The following CTNNA2 variants were observed in gnomAD, a reference collection of about 807,000 sequenced individuals.
The protein encoded by CTNNA2 is catenin alpha-2.
A neutral mutation model predicts 101.0 loss-of-function variants in CTNNA2; 42 were observed. The ratio of observed to expected loss-of-function variants is 0.42; its 90% CI spans 0.32 to 0.54. The LOEUF is 0.54. Among genes scored for constraint, CTNNA2 ranks in the 20% least tolerant of loss-of-function variants. The probability of loss-of-function intolerance (pLI) is 0.14; values close to 1 mark genes in which losing one functional copy is unlikely to be tolerated. For missense variants in CTNNA2, 871 were observed against 1,223.1 expected, an observed-to-expected ratio of 0.71 and a Z score of 4.29; for synonymous variants, 450 against 456.4, an observed-to-expected ratio of 0.99 and a Z score of 0.18.
chr2:79,423,490 C>T (rs191809091), intron 4 of CTNNA2, among the ~76,000 whole-genome samples: 1 of 152,224 alleles, frequency 6.6e-6, no homozygotes, highest in Admixed American at 6.5e-5. Context: ...TGTAGTAATA[C>T]ATACACAAAA....
At chr2:80,430,221 A>G (rs748055257) in intron 9 of CTNNA2, among the ~76,000 whole-genome samples, 3 of 152,192 alleles carry the variant, frequency 2.0e-5, no homozygotes, top group Non-Finnish European at 4.4e-5. Flanking sequence ...CTTACAAAGA[A>G]ATATCCAGAA....
At chr2:79,797,534 C>T (rs1675815387) in intron 3 of CTNNA2, among the ~76,000 whole-genome samples, 1 of 151,832 alleles carries the variant, frequency 6.6e-6, no homozygotes, top group South Asian at 2.1e-4. Flanking sequence ...GTGGTGCACA[C>T]CTGTTGTCCC....
chr2:79,214,915 G>A (rs569015074), intron 2 of CTNNA2, among the ~76,000 whole-genome samples: 2 of 152,128 alleles, frequency 1.3e-5, no homozygotes, highest in South Asian at 2.1e-4. Flanking sequence ...CAACAGTTCT[G>A]GAGGCAAGGG....
At chr2:79,784,284 G>A (rs962052583) in intron 3 of CTNNA2, among the ~76,000 whole-genome samples, 2 of 151,884 alleles carry the variant, frequency 1.3e-5, no homozygotes, top group Admixed American at 1.3e-4. Flanking sequence ...TCTAAGTTAA[G>A]CTTGATGTAT....
rs775865265 is a variant in CTNNA2, at chr2:80,492,878, C to T, written c.1291-52104C>T. ...TCTGTTTGAGTTATCCTTCATACCA[C>T]TCCCATAATTCCCTTGGCGGACTTC... On this transcript the variant is annotated intron_variant, in intron 9 of 18. Coordinates refer to ENST00000402739, the MANE Select transcript of CTNNA2 (RefSeq NM_001282597.3). Among the ~76,000 whole-genome samples, 4 of 152,244 alleles carry T rather than the reference C, an allele frequency of 2.6e-5. No homozygotes were observed. In the East Asian group the frequency reaches 5.8e-4, roughly 22 times the overall value.
At chr2:79,452,175 C>T (rs1265345161) in intron 4 of CTNNA2, among the ~76,000 whole-genome samples, 1 of 152,044 alleles carries the variant, frequency 6.6e-6, no homozygotes, top group Non-Finnish European at 1.5e-5. Flanking sequence ...TATCACTGCC[C>T]CAAAGAAGTG....
intron 2 of CTNNA2, among the ~76,000 whole-genome samples, chr2:79,249,140 A>G (rs1035637129): frequency 6.6e-6 from 1 of 152,056 alleles, no homozygotes; most frequent in Non-Finnish European, 1.5e-5. Context: ...GTAAAATGGC[A>G]ATAATAATAT....
At chr2:80,400,028 G>T (rs915928958) in intron 8 of CTNNA2, among the ~76,000 whole-genome samples, 1 of 152,158 alleles carries the variant, frequency 6.6e-6, no homozygotes, top group African/African-American at 2.4e-5. Context: ...AACTGTCACT[G>T]AAAACGAGAT....
At position 79,334,909 on chromosome 2, in the gene CTNNA2, C is replaced by T. The variant is rs528082027; in HGVS notation, c.-318+22113C>T. On this transcript the variant is annotated intron_variant, in intron 3 of 21. Coordinates refer to the CTNNA2 transcript ENST00000466387. Reference sequence around the variant, plus strand: ...TTGATTAAATAAAACTAAAAACACTCTCTAGACTTTGCCTGTTGGTTCAGG... The same window carrying T: ...TTGATTAAATAAAACTAAAAACACTTTCTAGACTTTGCCTGTTGGTTCAGG... Among the ~76,000 whole-genome samples, 5 of 152,272 alleles carry T rather than the reference C, an allele frequency of 3.3e-5. No homozygotes were observed. In the East Asian group the frequency reaches 9.7e-4, roughly 29 times the overall value.
chr2:80,545,110 G>A, intron 10 of CTNNA2, 36 bp downstream of exon 10: 1 of 1,601,314 alleles, frequency 6.2e-7, no homozygotes, highest in Non-Finnish European at 8.5e-7. Context: ...AAGCCTGTCA[G>A]TGACCTTCTC....
chr2:80,082,834 T>C (rs1699230403), intron 7 of CTNNA2, among the ~76,000 whole-genome samples: 1 of 152,172 alleles, frequency 6.6e-6, no homozygotes, highest in Admixed American at 6.5e-5. Context: ...AATTGGGTGT[T>C]GTAACCAGTA....
At chr2:79,934,762 G>A (rs945692491) in intron 7 of CTNNA2, among the ~76,000 whole-genome samples, 1 of 152,194 alleles carries the variant, frequency 6.6e-6, no homozygotes, top group African/African-American at 2.4e-5. Flanking sequence ...AAAGACATGG[G>A]ACCCTTTGGT....
intron 7 of CTNNA2, among the ~76,000 whole-genome samples, chr2:80,314,787 G>A (rs868289863): frequency 7.2e-5 from 11 of 152,218 alleles, no homozygotes; most frequent in East Asian, 1.9e-4. Context: ...ATTCCTTTGC[G>A]GATAGACCTT....
intron 7 of CTNNA2, among the ~76,000 whole-genome samples, chr2:80,094,413 A>G (rs981758195): frequency 6.6e-6 from 1 of 152,076 alleles, no homozygotes; most frequent in Admixed American, 6.5e-5. Context: ...CCGTGGCCTT[A>G]TAGTATAGTT....
At chr2:80,058,399 A>T (rs1199541920) in intron 7 of CTNNA2, among the ~76,000 whole-genome samples, 2 of 151,968 alleles carry the variant, frequency 1.3e-5, no homozygotes, top group African/African-American at 4.8e-5. Context: ...TAAGGACAGG[A>T]CTCCTCCTTT....
At position 79,610,564 on chromosome 2, in the gene CTNNA2, C is replaced by T. The variant is rs138569703; in HGVS notation, c.-5-40988C>T. On this transcript the variant is annotated intron_variant, in intron 1 of 18. Coordinates refer to ENST00000402739, the MANE Select transcript of CTNNA2 (RefSeq NM_001282597.3). ...TGATACACATTAAGGACCTGGATGA[C>T]TCTCAAGATGATTATGCAGAGTGAA... Among the ~76,000 whole-genome samples, 193 of 152,220 alleles carry T rather than the reference C, an allele frequency of 1.3e-3. 1 individual carries two copies. In the Middle Eastern group the frequency reaches 0.037, roughly 30 times the overall value.
chr2:79,319,183 C>G (rs1368674090), intron 3 of CTNNA2, among the ~76,000 whole-genome samples: 1 of 152,216 alleles, frequency 6.6e-6, no homozygotes, highest in Non-Finnish European at 1.5e-5. Flanking sequence ...CCATTATACA[C>G]TGGCAGAAGA....
intron 9 of CTNNA2, among the ~76,000 whole-genome samples, chr2:80,510,157 A>G (rs1688598217): frequency 6.6e-6 from 1 of 152,232 alleles, no homozygotes; most frequent in South Asian, 2.1e-4. Context: ...ACTTTCAAAA[A>G]TGAGTTCCTT....
In CTNNA2 at chr2:79,580,518, G is replaced by A. The variant is rs180997125; in HGVS notation, c.-6+67311G>A. 1.1e-3 allele frequency among the ~76,000 whole-genome samples: 168 copies of A among 152,228 alleles called. 1 individual carries two copies. The highest frequency in any genetic ancestry group is 3.7e-3 in the African/African-American group (153 of 41,528). On this transcript the variant is annotated intron_variant, in intron 1 of 18. Coordinates refer to ENST00000402739, the MANE Select transcript of CTNNA2 (RefSeq NM_001282597.3). ...GAGCCTCCAGAAAAAAATGAAAGTG[G>A]TAACTTTAGCCTGGTAAGACCCACG... is the stretch of plus-strand genomic sequence containing the variant.
Sources: gnomAD v4.1 joint callset for allele counts (sites outside exome capture counted in the v4.1 genomes callset) on GRCh38, gnomAD v4.1.1 for gene constraint, MANE v1.5 for transcripts, NCBI Gene and HGNC (gene_info 2026-07-23, HGNC 2026-07-21) for gene names.